Variants in TBC1D13 observed in about 807,000 individuals in gnomAD.
TBC1D13 encodes the protein TBC1 domain family member 13.
TBC1D13 carries 40 observed loss-of-function variants against 53.6 expected under a neutral mutation model. That is an observed-to-expected ratio of 0.75 (90% confidence interval 0.58 to 0.97). The LOEUF (loss-of-function observed/expected upper bound fraction) is 0.97. TBC1D13 is among the 50% of genes least tolerant of loss of function. TBC1D13 has a pLI of 0.00. For missense variants in TBC1D13, 377 were observed against 499.4 expected (o/e 0.75, Z 2.34); for synonymous variants, 182 against 197.7 (o/e 0.92, Z 0.67).
In TBC1D13 at chr9:128,787,389, G is replaced by A; in HGVS notation, c.23+13G>A. 4.8e-6 allele frequency: 6 copies of A among 1,259,158 alleles called. No individual in the cohort carries two copies. The highest frequency in any genetic ancestry group is 4.0e-5 in the Admixed American group (1 of 24,938). 78.0% of individuals were successfully genotyped at this position (1,259,158 alleles called of 1,614,324 possible). On this transcript the variant is annotated intron_variant, in intron 1 of 11. Transcript: ENST00000372648. ...TGCACAAGAGCCGGTAAGGGGCCAT[G>A]GGGCCTGACCCGGCTGGGCCACTCC...
intron 2 of TBC1D13, among the ~76,000 whole-genome samples, chr9:128,789,672 T>C (rs1245577613): frequency 6.6e-6 from 1 of 151,962 alleles, no homozygotes; most frequent in Admixed American, 6.6e-5. Context: ...ATTCCACAAA[T>C]ATGTATGGAA....
Position 128,808,412 on chromosome 9 carries a change from T to TGTGTGTGC in TBC1D13, c.*540_*541insCGTGTGTG, listed in dbSNP as rs1829883066. The TGTGTGTGC allele has an allele frequency of 6.9e-6, 1 of 145,756 alleles. No individual in the cohort carries two copies. Among genetic ancestry groups the TGTGTGTGC allele is most frequent in the Admixed American group, 6.4e-5 (1 of 15,662 alleles). The allele number at this position is 145,756 out of a possible 1,614,324, so 9.0% of individuals were successfully genotyped here. On this transcript the variant is annotated 3_prime_UTR_variant, in exon 12 of 12. Coordinates refer to ENST00000372648, the MANE Select transcript of TBC1D13 (RefSeq NM_018201.5). Reference sequence around the variant, plus strand: ...CAAGTCCCCAGGCATCTTCTCCGTGTGTGTGTGTGTGTGTGTGTGTGTGTG... The same window carrying TGTGTGTGC: ...CAAGTCCCCAGGCATCTTCTCCGTGTGTGTGTGCGTGTGTGTGTGTGTGTGTGTGTGTG...
At chr9:128,798,634 C>T (rs575789129) in intron 7 of TBC1D13, among the ~76,000 whole-genome samples, 1 of 152,034 alleles carries the variant, frequency 6.6e-6, no homozygotes, top group Non-Finnish European at 1.5e-5. Flanking sequence ...ACTGATAGGA[C>T]CCCCAACTTT....
chr9:128,800,015 C>T (rs955562579), intron 7 of TBC1D13, among the ~76,000 whole-genome samples: 4 of 152,138 alleles, frequency 2.6e-5, no homozygotes, highest in South Asian at 2.1e-4. Context: ...AGCGAGACTC[C>T]GTCTCAAAAA....
intron 5 of TBC1D13, among the ~76,000 whole-genome samples, chr9:128,792,097 TCA>T: frequency 6.6e-6 from 1 of 152,322 alleles, no homozygotes; most frequent in East Asian, 1.9e-4. Flanking sequence ...AGGCCCAGAC[TCA>T]CAGATAGGAA....
At chr9:128,789,105 T>C (rs1554794413) in intron 2 of TBC1D13, among the ~76,000 whole-genome samples, 1 of 152,148 alleles carries the variant, frequency 6.6e-6, no homozygotes, top group Non-Finnish European at 1.5e-5. Context: ...GTGGATCACC[T>C]GAGGTCAGGA....
In TBC1D13 at chr9:128,801,399, C is replaced by T. The variant is rs139486755; in HGVS notation, c.544-1851C>T. Among the ~76,000 whole-genome samples the T allele has an allele frequency of 3.4e-3, 519 of 151,776 alleles. 3 individuals carry two copies. Among genetic ancestry groups the T allele is most frequent in the Non-Finnish European group, 5.5e-3 (374 of 67,890 alleles). On this transcript the variant is annotated intron_variant, in intron 7 of 11. Transcript: ENST00000372648. ...TGACTTTTTGAAAAGGCTTGGCCAG[C>T]CTGGACGCGGTGGCTCATGCCTGTA...
At position 128,787,371 on chromosome 9, in the gene TBC1D13, G is replaced by A. The variant is rs1212613822; in HGVS notation, c.18G>A (p.Lys6=). The change falls in exon 1 of 12, where the codon AAG becomes AAA. Residue 6 remains lysine, a synonymous_variant. Coordinates refer to ENST00000372648, the MANE Select transcript of TBC1D13 (RefSeq NM_018201.5). ...TCAACACCATGTCAAGTCTGCACAA[G>A]AGCCGGTAAGGGGCCATGGGGCCTG... is the stretch of plus-strand genomic sequence containing the variant. The part of the protein sequence containing the change: MSSLH[K]SRIADFQDVL... 2 of 1,259,814 alleles carry A rather than the reference G, an allele frequency of 1.6e-6. No homozygotes were observed. Among genetic ancestry groups the A allele is most frequent in the Non-Finnish European group, 1.0e-6 (1 of 994,666 alleles). 78.0% of individuals were successfully genotyped at this position (1,259,814 alleles called of 1,614,324 possible).
rs1007082073 is a variant in TBC1D13, at chr9:128,792,484, C to T, written c.301-8C>T. On this transcript the variant is annotated splice_polypyrimidine_tract_variant and splice_region_variant and intron_variant, in intron 5 of 11. Coordinates refer to ENST00000372648, the MANE Select transcript of TBC1D13 (RefSeq NM_018201.5). ...CCTTGGACAGAGCATCTTCATTTCT[C>T]CCCACAGCCACTCAACCCCAACCCT... The T allele has an allele frequency of 1.5e-5, 25 of 1,613,702 alleles. No homozygotes were observed. Among genetic ancestry groups the T allele is most frequent in the Non-Finnish European group, 2.0e-5 (24 of 1,179,788 alleles).
Position 128,804,055 on chromosome 9 carries a change from C to T in TBC1D13, c.854C>T (p.Thr285Ile). ...KSLDDSQCGITYKMEKVYSTL... is the reference protein window; with the variant it reads ...KSLDDSQCGIIYKMEKVYSTL... The stretch of plus-strand genomic sequence containing the variant: ...CTGGATGACTCGCAGTGTGGCATCA[C>T]CTACAAGATGGAGAAGGTTTACTCC... Residue 285 changes from threonine (T) to isoleucine (I), a missense_variant, in exon 9 of 12, where the codon ACC becomes ATC. Thr to Ile is a moderately conservative substitution (Grantham distance 89). Coordinates refer to ENST00000372648, the MANE Select transcript of TBC1D13 (RefSeq NM_018201.5). The T allele has an allele frequency of 6.2e-7, 1 of 1,614,078 alleles. No individual in the cohort carries two copies. Among genetic ancestry groups the T allele is most frequent in the Non-Finnish European group, 8.5e-7 (1 of 1,180,024 alleles).
intron 9 of TBC1D13, 51 bp from the exon 10 acceptor site, chr9:128,805,808 C>A: frequency 6.3e-7 from 1 of 1,583,254 alleles, no homozygotes; most frequent in Non-Finnish European, 8.6e-7. Context: ...TGCTCCATGG[C>A]CGGCAGCCAA....
At chr9:128,799,628 G>C (rs1010696639) in intron 7 of TBC1D13, among the ~76,000 whole-genome samples, 12 of 152,192 alleles carry the variant, frequency 7.9e-5, no homozygotes, top group African/African-American at 2.9e-4. Context: ...ACATTTCTGA[G>C]CCTCAGTTTC....
At position 128,792,560 on chromosome 9, in the gene TBC1D13, C is replaced by G; in HGVS notation, c.369C>G (p.Ile123Met). Residue 123 changes from isoleucine (I) to methionine (M), a missense_variant, in exon 6 of 12, where the codon ATC (isoleucine) becomes ATG (methionine). Coordinates refer to ENST00000372648, the MANE Select transcript of TBC1D13 (RefSeq NM_018201.5). The part of the protein sequence containing the change: ...YFKDNEVLLQ[I>M]DKDVRRLCPD... The stretch of plus-strand genomic sequence containing the variant: ...AGGACAACGAGGTGCTGCTGCAGAT[C>G]GACAAAGATGTCCGGTAGGCAGGGT... 6.2e-7 allele frequency: 1 copy of G among 1,614,046 alleles called. No homozygotes were observed. Among genetic ancestry groups the G allele is most frequent in the Non-Finnish European group, 8.5e-7 (1 of 1,179,936 alleles).
At chr9:128,787,439 T>G in intron 1 of TBC1D13, 63 bp downstream of exon 1, 4 of 1,243,338 alleles carry the variant, frequency 3.2e-6, no homozygotes, top group Non-Finnish European at 4.1e-6. Flanking sequence ...CTTCTGCCCC[T>G]CAGAAGGGGG....
intron 2 of TBC1D13, 140 bp from the exon 3 acceptor site, chr9:128,790,595 C>CTAGT: frequency 1.3e-6 from 1 of 744,588 alleles, no homozygotes; most frequent in Non-Finnish European, 2.1e-6. Flanking sequence ...ACCATCCAAT[C>CTAGT]TAGTCATCTT....
Position 128,806,000 on chromosome 9 carries a change from G to T in TBC1D13, c.1060G>T (p.Val354Phe), listed in dbSNP as rs750224476. 16 of 1,614,018 alleles carry T rather than the reference G, an allele frequency of 9.9e-6. No homozygotes were observed. The highest frequency in any genetic ancestry group is 1.4e-5 in the Non-Finnish European group (16 of 1,180,010). ...CAACCGCTTTGACTTCCTCCTCCTC[G>T]TCTGCTGCGCCATGCTCATGTGAGT... ...DDNRFDFLLL[V>F]CCAMLMLIRE... The change falls in exon 10 of 12, where the codon GTC (valine) becomes TTC (phenylalanine). Residue 354 changes from valine to phenylalanine, a missense_variant. By Grantham distance (50) the Val-to-Phe change is conservative. Transcript: ENST00000372648.
At chr9:128,797,799 T>A (rs1385726784) in intron 7 of TBC1D13, among the ~76,000 whole-genome samples, 1 of 151,746 alleles carries the variant, frequency 6.6e-6, no homozygotes, top group Admixed American at 6.6e-5. Context: ...CCAGACCCTG[T>A]CTCAAAAAAA....
intron 3 of TBC1D13, 34 bp from the exon 4 acceptor site, chr9:128,791,346 G>A: frequency 1.2e-6 from 2 of 1,607,924 alleles, no homozygotes; most frequent in Non-Finnish European, 1.7e-6. Context: ...GTGCAGGAGG[G>A]TCACCAGAGC....
intron 11 of TBC1D13, among the ~76,000 whole-genome samples, chr9:128,807,092 T>TTG (rs60547233): frequency 0.013 from 875 of 66,654 alleles, 8 homozygotes; most frequent in African/African-American, 0.11. Context: ...TTTGTTGTTG[T>TTG]TTTTTTTTTT....
Sources: allele counts gnomAD v4.1 joint callset (sites outside exome capture counted in the v4.1 genomes callset), GRCh38; gene constraint gnomAD v4.1.1; transcripts MANE v1.5; gene names NCBI Gene and HGNC (gene_info 2026-07-23, HGNC 2026-07-21).